The following LRFN5 variants were observed in gnomAD, a reference collection of about 807,000 sequenced individuals.
LRFN5 encodes the protein leucine-rich repeat and fibronectin type-III domain-containing protein 5.
In LRFN5, 24 loss-of-function variants were observed where a neutral mutation model predicts 45.6. The observed-to-expected ratio is 0.53, with a 90% CI of 0.38 to 0.74. LRFN5 has a LOEUF of 0.74. Ranked by LOEUF, LRFN5 falls within the 30% of genes least tolerant of loss-of-function variation. The probability of loss-of-function intolerance (pLI) is 0.00; values close to 1 mark genes in which losing one functional copy is unlikely to be tolerated. For missense variants in LRFN5, 776 were observed against 861.5 expected, an observed-to-expected ratio of 0.90 and a Z score of 1.24; for synonymous variants, 340 against 313.8, an observed-to-expected ratio of 1.08 and a Z score of -0.88.
intron 1 of LRFN5, among the ~76,000 whole-genome samples, chr14:41,618,608 C>G (rs921117331): frequency 1.3e-5 from 2 of 152,060 alleles, no homozygotes; most frequent in African/African-American, 4.8e-5. Context: ...GAAGAACTAA[C>G]CAGCTGAGGC....
chr14:41,788,920 A>G (rs573077630), intron 2 of LRFN5, among the ~76,000 whole-genome samples: 1 of 152,144 alleles, frequency 6.6e-6, no homozygotes, highest in Admixed American at 6.6e-5. Flanking sequence ...GAATTACAGA[A>G]GTCTGTTCCA....
At chr14:41,713,534 A>C (rs184256715) in intron 1 of LRFN5, among the ~76,000 whole-genome samples, 1 of 152,236 alleles carries the variant, frequency 6.6e-6, no homozygotes, top group African/African-American at 2.4e-5. Context: ...ACAATCTAAA[A>C]TCTCCAGAAT....
intron 2 of LRFN5, among the ~76,000 whole-genome samples, chr14:41,881,008 C>T (rs886844214): frequency 1.2e-4 from 19 of 152,170 alleles, no homozygotes; most frequent in Admixed American, 7.9e-4. Flanking sequence ...TTATTTTCAA[C>T]GTGTATTTTT....
chr14:41,703,546 T>G (rs1158254650), intron 1 of LRFN5, among the ~76,000 whole-genome samples: 2 of 152,120 alleles, frequency 1.3e-5, no homozygotes, highest in Non-Finnish European at 2.9e-5. Context: ...GTGTTTTTTT[T>G]TGTTTGTTTT....
chr14:41,740,342 T>A (rs60513925), intron 1 of LRFN5, among the ~76,000 whole-genome samples: 25,181 of 151,868 alleles, frequency 0.17, 2,171 homozygotes, highest in Admixed American at 0.19. Context: ...TTTATTAACT[T>A]TGATAAAATG....
chr14:41,609,173 C>A (rs894457265), intron 1 of LRFN5, among the ~76,000 whole-genome samples: 3 of 152,096 alleles, frequency 2.0e-5, no homozygotes, highest in African/African-American at 7.2e-5. Flanking sequence ...GTTTAACTGC[C>A]AGGACGTGCT....
At chr14:41,814,351 A>G (rs1293086271) in intron 2 of LRFN5, among the ~76,000 whole-genome samples, 2 of 152,132 alleles carry the variant, frequency 1.3e-5, no homozygotes, top group African/African-American at 2.4e-5. Context: ...ACTTCACTAT[A>G]AAAGGTCTTT....
At chr14:41,823,984 T>C (rs942698505) in intron 2 of LRFN5, among the ~76,000 whole-genome samples, 1 of 152,214 alleles carries the variant, frequency 6.6e-6, no homozygotes, top group African/African-American at 2.4e-5. Context: ...CTGTATTTTG[T>C]AATTCCTTCA....
intron 1 of LRFN5, among the ~76,000 whole-genome samples, chr14:41,707,873 A>G (rs2138739647): frequency 6.6e-6 from 1 of 152,158 alleles, no homozygotes; most frequent in East Asian, 1.9e-4. Flanking sequence ...ATTCTTTTAC[A>G]CAAAAGTTTC....
At chr14:41,647,048 A>G (rs1864952541) in intron 1 of LRFN5, among the ~76,000 whole-genome samples, 1 of 152,290 alleles carries the variant, frequency 6.6e-6, no homozygotes, top group African/African-American at 2.4e-5. Flanking sequence ...TGTTTATATG[A>G]CACTTTTATT....
At chr14:41,880,108 T>C (rs1890325895) in intron 2 of LRFN5, among the ~76,000 whole-genome samples, 1 of 151,618 alleles carries the variant, frequency 6.6e-6, no homozygotes, top group African/African-American at 2.4e-5. Flanking sequence ...TTTGTATTTT[T>C]AGTAGAGATG....
intron 2 of LRFN5, among the ~76,000 whole-genome samples, chr14:41,836,716 G>A (rs994197893): frequency 2.0e-5 from 3 of 152,152 alleles, no homozygotes; most frequent in Non-Finnish European, 4.4e-5. Context: ...CTGCGAGGCA[G>A]TTCCTTTTCT....
chr14:41,752,371 A>T (rs1455703031), intron 1 of LRFN5, among the ~76,000 whole-genome samples: 1 of 152,222 alleles, frequency 6.6e-6, no homozygotes, highest in Admixed American at 6.5e-5. Flanking sequence ...ACTAGTTTAC[A>T]GTCCCACCAA....
At chr14:41,848,956 T>C (rs1207603251) in intron 2 of LRFN5, among the ~76,000 whole-genome samples, 1 of 152,038 alleles carries the variant, frequency 6.6e-6, no homozygotes, top group Non-Finnish European at 1.5e-5. Flanking sequence ...ATTTGGGAAG[T>C]GTGAGGATGT....
At chr14:41,680,313 C>A (rs1881828596) in intron 1 of LRFN5, among the ~76,000 whole-genome samples, 1 of 152,144 alleles carries the variant, frequency 6.6e-6, no homozygotes, top group Non-Finnish European at 1.5e-5. Context: ...TTGGCCCAGA[C>A]CCAGTGTTGT....
rs1045208138 is a variant in LRFN5 at position 41,892,194 on chromosome 14, A to T, written c.2098+232A>T. 28 of 985,276 alleles carry T rather than the reference A, an allele frequency of 2.8e-5. No homozygotes were observed. In the African/African-American group the frequency reaches 4.2e-4, roughly 15 times the overall value. The allele number at this position is 985,276 out of a possible 1,614,324, so 61.0% of individuals were successfully genotyped here. A position where few individuals can be genotyped will look rare whatever the true frequency, so the allele number is the denominator to read the frequency against. ...ACTACTGGAAAGCTCTGTGTAATTT[A>T]TAATTTCTTTTTCATGAAAAATCAT... On this transcript the variant is annotated intron_variant, in intron 4 of 5. Transcript: ENST00000298119.
intron 1 of LRFN5, among the ~76,000 whole-genome samples, chr14:41,625,835 A>G (rs1480253523): frequency 1.3e-5 from 2 of 152,158 alleles, no homozygotes; most frequent in Admixed American, 6.6e-5. Flanking sequence ...GTATTCATCA[A>G]TGGAGTGTAG....
chr14:41,893,728 G>A, intron 4 of LRFN5: 2 of 985,282 alleles, frequency 2.0e-6, no homozygotes, highest in Non-Finnish European at 2.4e-6. Context: ...AAAGTAGTTA[G>A]AGATTACTTT....
chr14:41,781,739 TTA>T (rs1886536891), intron 2 of LRFN5, among the ~76,000 whole-genome samples: 1 of 146,028 alleles, frequency 6.8e-6, no homozygotes, highest in African/African-American at 2.5e-5. Flanking sequence ...AGGAAGGAAG[TTA>T]TAGTTTTTAT....
Sources: allele counts gnomAD v4.1 joint callset (sites outside exome capture counted in the v4.1 genomes callset), GRCh38; gene constraint gnomAD v4.1.1; transcripts MANE v1.5; gene names NCBI Gene and HGNC (gene_info 2026-07-23, HGNC 2026-07-21).